NPTX2: variants seen among roughly 807,000 people sequenced by gnomAD.
NPTX2 encodes neuronal pentraxin 2.
A neutral mutation model predicts 38.1 loss-of-function variants in NPTX2; 23 were observed. The observed-to-expected ratio is 0.60, with a 90% CI of 0.43 to 0.85. The LOEUF is 0.85. Ranked by LOEUF, NPTX2 falls within the 40% of genes least tolerant of loss-of-function variation. NPTX2 has a pLI of 0.00. For missense variants in NPTX2, 553 were observed against 615.3 expected (o/e 0.90, Z 1.07); for synonymous variants, 291 against 287.3 (o/e 1.01, Z -0.13).
chr7:98,622,827 G>A (rs1013826948), intron 2 of NPTX2, among the ~76,000 whole-genome samples: 1 of 152,170 alleles, frequency 6.6e-6, no homozygotes, highest in Admixed American at 6.5e-5. Flanking sequence ...CAATCGGGAG[G>A]CCACCATTGG....
At position 98,629,392 on chromosome 7, in the gene NPTX2, G is replaced by T. The variant is rs1301904958; in HGVS notation, c.*763G>T. On this transcript the variant is annotated 3_prime_UTR_variant, in exon 5 of 5. Transcript: ENST00000265634. The stretch of plus-strand genomic sequence containing the variant: ...GCCTCTCTTCTCATCTGGTGCCAAA[G>T]GTTCCGTTGCAGCTTTTTACAACCA... The T allele has an allele frequency of 6.6e-6, 1 of 152,490 alleles. No individual in the cohort carries two copies. Among genetic ancestry groups the T allele is most frequent in the African/African-American group, 2.4e-5 (1 of 41,416 alleles). 9.4% of individuals were successfully genotyped at this position (152,490 alleles called of 1,614,324 possible).
chr7:98,621,051 G>C (rs1791262787), intron 2 of NPTX2, among the ~76,000 whole-genome samples: 1 of 152,148 alleles, frequency 6.6e-6, no homozygotes, highest in Non-Finnish European at 1.5e-5. Context: ...GGGGCCCAAA[G>C]TGGGTCCTGG....
Position 98,628,503 on chromosome 7 carries a change from C to T in NPTX2, c.1170C>T (p.Asn390=). Residue 390 remains asparagine (N), a synonymous_variant, in exon 5 of 5, where the codon AAC becomes AAT. Coordinates refer to ENST00000265634, the MANE Select transcript of NPTX2 (RefSeq NM_002523.3). ...TCCTTCGCGCACAAGAAATTGTCAACATCGCCAACTGCTCCACAAACATGC... is the reference window on the plus strand; with the variant it reads ...TCCTTCGCGCACAAGAAATTGTCAATATCGCCAACTGCTCCACAAACATGC... ...DRVLRAQEIV[N]IANCSTNMPG... 1.2e-6 allele frequency: 2 copies of T among 1,610,854 alleles called. No individual in the cohort carries two copies. Among genetic ancestry groups the T allele is most frequent in the Middle Eastern group, 1.7e-4 (1 of 6,058 alleles).
At chr7:98,618,603 C>G (rs1303331932) in intron 1 of NPTX2, among the ~76,000 whole-genome samples, 1 of 120,216 alleles carries the variant, frequency 8.3e-6, no homozygotes, top group African/African-American at 3.1e-5. Flanking sequence ...CGTCCCCCCC[C>G]CCCGCCCCCC....
rs1049860820 is a variant in NPTX2, at chr7:98,629,793, G to A, written c.*1164G>A. The A allele has an allele frequency of 1.1e-4, 17 of 152,456 alleles. No homozygotes were observed. The highest frequency in any genetic ancestry group is 6.2e-4 in the South Asian group (3 of 4,812). 9.4% of individuals were successfully genotyped at this position (152,456 alleles called of 1,614,324 possible). On this transcript the variant is annotated 3_prime_UTR_variant, in exon 5 of 5. Transcript: ENST00000265634. ...GATATTCCATTTGTAGGACCAAGTC[G>A]ACATGCCCATCCTGACATTGTATGC...
In NPTX2 at chr7:98,628,784, G is replaced by A; in HGVS notation, c.*155G>A. 1 of 501,558 alleles carries A rather than the reference G, an allele frequency of 2.0e-6. No homozygotes were observed. The highest frequency in any genetic ancestry group is 3.5e-6 in the Non-Finnish European group (1 of 282,352). The allele number at this position is 501,558 out of a possible 1,614,324, so 31.1% of individuals were successfully genotyped here. A position where few individuals can be genotyped will look rare whatever the true frequency, so the allele number is the denominator to read the frequency against. On this transcript the variant is annotated 3_prime_UTR_variant, in exon 5 of 5. Coordinates refer to ENST00000265634, the MANE Select transcript of NPTX2 (RefSeq NM_002523.3). Reference sequence around the variant, plus strand: ...TAAGACCAGGGCTGGGGCAGTGTCTGTCACTGGCTTGTTTGTTCCCTACCA... The same window carrying A: ...TAAGACCAGGGCTGGGGCAGTGTCTATCACTGGCTTGTTTGTTCCCTACCA...
rs2291273 is a variant in NPTX2 at position 98,619,977 on chromosome 7, C to T, written c.643+118C>T. 1,893 of 877,896 alleles carry T rather than the reference C, an allele frequency of 2.2e-3. 97 individuals are homozygous for T. In the East Asian group the frequency reaches 0.05, roughly 23 times the overall value. 54.4% of individuals were successfully genotyped at this position (877,896 alleles called of 1,614,324 possible). A position where few individuals can be genotyped will look rare whatever the true frequency, so the allele number is the denominator to read the frequency against. On this transcript the variant is annotated intron_variant, in intron 2 of 4. Transcript: ENST00000265634. ...TGTGACACCACATGGGCCTGGTTCCCGAGTGTGTGAGCAAATAATAAAGGC... is the reference window on the plus strand; with the variant it reads ...TGTGACACCACATGGGCCTGGTTCCTGAGTGTGTGAGCAAATAATAAAGGC...
In NPTX2 at chr7:98,628,984, C is replaced by T. The variant is rs796066020; in HGVS notation, c.*355C>T. On this transcript the variant is annotated 3_prime_UTR_variant, in exon 5 of 5. Coordinates refer to ENST00000265634, the MANE Select transcript of NPTX2 (RefSeq NM_002523.3). Reference sequence around the variant, plus strand: ...GCCTGAGTCCTGCCGCCTTCCAGTTCCTTGGTGTCCCGTGCACCCCTTCTG... The same window carrying T: ...GCCTGAGTCCTGCCGCCTTCCAGTTTCTTGGTGTCCCGTGCACCCCTTCTG... The T allele has an allele frequency of 3.5e-5, 7 of 201,410 alleles. No individual in the cohort carries two copies. Among genetic ancestry groups the T allele is most frequent in the African/African-American group, 1.1e-4 (5 of 43,848 alleles). The allele number at this position is 201,410 out of a possible 1,614,324, so 12.5% of individuals were successfully genotyped here.
At chr7:98,620,384 G>A (rs1791252805) in intron 2 of NPTX2, among the ~76,000 whole-genome samples, 1 of 152,154 alleles carries the variant, frequency 6.6e-6, no homozygotes, top group African/African-American at 2.4e-5. Context: ...ATAGGAGGAT[G>A]CCCAATAGCA....
chr7:98,620,105 C>G, intron 2 of NPTX2: 1 of 548,590 alleles, frequency 1.8e-6, no homozygotes, highest in Non-Finnish European at 3.3e-6. Flanking sequence ...ACCACACGGG[C>G]GTTTCAGTCC....
chr7:98,621,532 G>A (rs1175702667), intron 2 of NPTX2, among the ~76,000 whole-genome samples: 1 of 152,178 alleles, frequency 6.6e-6, no homozygotes, highest in East Asian at 1.9e-4. Flanking sequence ...TGAGTGTCCT[G>A]TTTGTGACAA....
chr7:98,626,102 G>A (rs566812515), intron 3 of NPTX2, among the ~76,000 whole-genome samples: 73 of 140,496 alleles, frequency 5.2e-4, no homozygotes, highest in African/African-American at 1.8e-3. Flanking sequence ...AACTATGATC[G>A]CACCACTGTA....
In NPTX2 at chr7:98,625,005, A is replaced by T. The variant is rs1296414892; in HGVS notation, c.727A>T (p.Thr243Ser). 6.2e-7 allele frequency: 1 copy of T among 1,613,876 alleles called. No individual in the cohort carries two copies. Among genetic ancestry groups the T allele is most frequent in the Admixed American group, 1.7e-5 (1 of 60,020 alleles). ...CTACCTATACGGCAAGATCAAGAAG[A>T]CGCTGCCTGAGCTGTACGCCTTCAC... Reference protein sequence around the residue: ...TNYLYGKIKKTLPELYAFTIC... With the variant: ...TNYLYGKIKKSLPELYAFTIC... The change falls in exon 3 of 5, where the codon ACG becomes TCG. Residue 243 changes from threonine (T) to serine (S), a missense_variant. Coordinates refer to ENST00000265634, the MANE Select transcript of NPTX2 (RefSeq NM_002523.3).
chr7:98,622,880 T>C (rs1195978630), intron 2 of NPTX2, among the ~76,000 whole-genome samples: 2 of 152,286 alleles, frequency 1.3e-5, no homozygotes, highest in South Asian at 2.1e-4. Context: ...GATTCTAGAA[T>C]GTACACACTG....
Position 98,625,055 on chromosome 7 carries a change from C to T in NPTX2, c.777C>T (p.Ser259=), listed in dbSNP as rs764342757. The part of the protein sequence containing the change: ...AFTICLWLRS[S]ASPGIGTPFS... ...CCATCTGCCTGTGGCTGCGGTCCAG[C>T]GCCTCACCAGGCATTGGCACCCCCT... is the stretch of plus-strand genomic sequence containing the variant. The change falls in exon 3 of 5, where the codon AGC becomes AGT. Residue 259 remains serine (S), a synonymous_variant. Transcript: ENST00000265634. 23 of 1,613,370 alleles carry T rather than the reference C, an allele frequency of 1.4e-5. No individual in the cohort carries two copies. The East Asian group carries it at 1.6e-4, about 11-fold the overall frequency.
rs368430885 is a variant in NPTX2, at chr7:98,619,825, C to T, written c.609C>T (p.Asn203=). The T allele has an allele frequency of 8.1e-6, 13 of 1,613,960 alleles. No homozygotes were observed. The highest frequency in any genetic ancestry group is 4.5e-5 in the East Asian group (2 of 44,876). ...GGCAGAAGACCGAGAGCACCCTGAA[C>T]GCGCTGCTGCAGAGGGTCACCGAGC... The part of the protein sequence containing the change: ...AHRQKTESTL[N]ALLQRVTELE... Residue 203 remains asparagine, a synonymous_variant, in exon 2 of 5, where the codon AAC becomes AAT. Transcript: ENST00000265634.
chr7:98,617,851 G>T lies in NPTX2; in HGVS notation c.390G>T (p.Ser130=), dbSNP rs773087934. Residue 130 remains serine (S), a synonymous_variant, in exon 1 of 5, where the codon TCG becomes TCT. Transcript: ENST00000265634. ...PGHVVEQLSR[S]LQTLKDRLES... ...ACGTCGTGGAGCAGCTCAGCCGCTC[G>T]CTGCAGACCCTCAAGGACCGCCTGG... 35 of 1,555,082 alleles carry T rather than the reference G, an allele frequency of 2.3e-5. No homozygotes were observed. The highest frequency in any genetic ancestry group is 3.0e-5 in the Non-Finnish European group (35 of 1,159,046).
chr7:98,618,220 G>C (rs1791207198), intron 1 of NPTX2, among the ~76,000 whole-genome samples: 1 of 152,174 alleles, frequency 6.6e-6, no homozygotes. Context: ...AAATACCCGG[G>C]GACGCGGTAG....
chr7:98,617,741 T>A lies in NPTX2; in HGVS notation c.280T>A (p.Cys94Ser). The A allele has an allele frequency of 2.8e-6, 4 of 1,427,416 alleles. No homozygotes were observed. The highest frequency in any genetic ancestry group is 3.6e-6 in the Non-Finnish European group (4 of 1,103,284). 88.4% of individuals were successfully genotyped at this position (1,427,416 alleles called of 1,614,324 possible). The change falls in exon 1 of 5, where the codon TGC (cysteine) becomes AGC (serine). Residue 94 changes from cysteine (C) to serine (S), a missense_variant. Coordinates refer to ENST00000265634, the MANE Select transcript of NPTX2 (RefSeq NM_002523.3). ...CGAGCTCACGGGCAAGCTAGCGCGC[T>A]GCGAGGGGCTGGCGGGCGGCAAGGC... ...IRELTGKLAR[C>S]EGLAGGKARG...
Sources: allele counts gnomAD v4.1 joint callset (sites outside exome capture counted in the v4.1 genomes callset), GRCh38; gene constraint gnomAD v4.1.1; transcripts MANE v1.5; gene names NCBI Gene and HGNC (gene_info 2026-07-23, HGNC 2026-07-21).